PLCB1: variants seen among roughly 807,000 people sequenced by gnomAD.
PLCB1 encodes the protein phospholipase C beta 1, also known as 1-phosphatidylinositol 4,5-bisphosphate phosphodiesterase beta-1.
In PLCB1, 46 loss-of-function variants were observed where a neutral mutation model predicts 161.8. The ratio of observed to expected loss-of-function variants is 0.28; its 90% CI spans 0.22 to 0.36. PLCB1 has a LOEUF of 0.36. Ranked by LOEUF, PLCB1 falls within the 10% of genes least tolerant of loss-of-function variation. PLCB1 has a pLI of 1.00. For synonymous variants in PLCB1, 517 were observed against 503.7 expected, an observed-to-expected ratio of 1.03 and a Z score of -0.35; for missense variants, 1,016 against 1,472.5, an observed-to-expected ratio of 0.69 and a Z score of 5.07.
chr20:8,697,137 T>C (rs1022373205), intron 10 of PLCB1, among the ~76,000 whole-genome samples: 4 of 152,188 alleles, frequency 2.6e-5, no homozygotes, highest in African/African-American at 9.6e-5. Flanking sequence ...ACTTATATAA[T>C]AGAACAGTCT....
At position 8,535,028 on chromosome 20, in the gene PLCB1, A is replaced by G. The variant is rs138520605; in HGVS notation, c.247-93266A>G. 2.9e-4 allele frequency among the ~76,000 whole-genome samples: 44 copies of G among 151,628 alleles called. No homozygotes were observed. The East Asian group carries it at 8.6e-3, about 30-fold the overall frequency. On this transcript the variant is annotated intron_variant, in intron 3 of 31. Coordinates refer to ENST00000338037, the MANE Select transcript of PLCB1 (RefSeq NM_015192.4). ...GTAAGAAAAACAACAGTCTAGAAAG[A>G]TATCTTCAAGTTCCTTCTCCTGGTT...
chr20:8,561,772 A>G (rs1368818719), intron 3 of PLCB1, among the ~76,000 whole-genome samples: 1 of 152,088 alleles, frequency 6.6e-6, no homozygotes, highest in South Asian at 2.1e-4. Flanking sequence ...CCTAATTGAC[A>G]TAAGGATTAC....
chr20:8,721,953 A>G (rs66978742), intron 14 of PLCB1, among the ~76,000 whole-genome samples: 1 of 151,756 alleles, frequency 6.6e-6, no homozygotes, highest in Admixed American at 6.6e-5. Flanking sequence ...GATAGATAGT[A>G]TATCTGTTTT....
At chr20:8,209,489 G>A (rs1978707318) in intron 2 of PLCB1, among the ~76,000 whole-genome samples, 1 of 152,052 alleles carries the variant, frequency 6.6e-6, no homozygotes, top group Non-Finnish European at 1.5e-5. Context: ...TAATTTTATT[G>A]TGATGTGTTA....
intron 3 of PLCB1, among the ~76,000 whole-genome samples, chr20:8,387,796 G>T (rs1204035628): frequency 6.6e-6 from 1 of 152,066 alleles, no homozygotes; most frequent in Non-Finnish European, 1.5e-5. Flanking sequence ...TGCTGGGCCT[G>T]GGGGAGGAGA....
intron 2 of PLCB1, among the ~76,000 whole-genome samples, chr20:8,286,421 T>G (rs1041733111): frequency 6.6e-6 from 1 of 152,234 alleles, no homozygotes; most frequent in African/African-American, 2.4e-5. Flanking sequence ...TCTCATATTA[T>G]GTAATGATAT....
intron 2 of PLCB1, among the ~76,000 whole-genome samples, chr20:8,319,382 A>G (rs1229357056): frequency 1.3e-5 from 2 of 152,044 alleles, no homozygotes; most frequent in African/African-American, 4.8e-5. Context: ...TGACTGGGTC[A>G]TGTGTCTCTC....
At chr20:8,609,519 CT>C (rs1405207589) in intron 3 of PLCB1, among the ~76,000 whole-genome samples, 1 of 152,168 alleles carries the variant, frequency 6.6e-6, no homozygotes, top group African/African-American at 2.4e-5. Context: ...TCAGTCTCTG[CT>C]ATTTTAACCA....
chr20:8,335,658 A>G (rs1372388094), intron 2 of PLCB1, among the ~76,000 whole-genome samples: 1 of 152,172 alleles, frequency 6.6e-6, no homozygotes, highest in East Asian at 1.9e-4. Flanking sequence ...TCCTTCAAGC[A>G]TGATGCACAT....
intron 2 of PLCB1, among the ~76,000 whole-genome samples, chr20:8,325,209 C>A (rs570022787): frequency 6.6e-6 from 1 of 152,228 alleles, no homozygotes; most frequent in South Asian, 2.1e-4. Flanking sequence ...TGAATTAATG[C>A]ACATTCTGAA....
intron 12 of PLCB1, among the ~76,000 whole-genome samples, chr20:8,712,136 A>G (rs1042632215): frequency 1.3e-5 from 2 of 152,130 alleles, no homozygotes; most frequent in African/African-American, 4.8e-5. Context: ...TCCAGTCTCT[A>G]CTACAAATAC....
intron 9 of PLCB1, among the ~76,000 whole-genome samples, chr20:8,675,632 G>A (rs1234475114): frequency 6.6e-6 from 1 of 152,134 alleles, no homozygotes; most frequent in Non-Finnish European, 1.5e-5. Flanking sequence ...GTAGAACCAT[G>A]GAACTTCAGG....
chr20:8,804,021 G>A (rs1007481866), intron 31 of PLCB1, among the ~76,000 whole-genome samples: 2 of 151,892 alleles, frequency 1.3e-5, no homozygotes, highest in Admixed American at 6.6e-5. Flanking sequence ...TCTAACTCCC[G>A]ACCTCAGGTG....
intron 24 of PLCB1, 50 bp downstream of exon 24, chr20:8,757,228 A>T (rs938669740): frequency 1.3e-6 from 2 of 1,549,770 alleles, no homozygotes; most frequent in Non-Finnish European, 1.7e-6. Context: ...CCTCCAGTTC[A>T]TTAGTGCCAC....
intron 2 of PLCB1, among the ~76,000 whole-genome samples, chr20:8,218,874 G>T (rs1402387820): frequency 6.6e-6 from 1 of 152,070 alleles, no homozygotes; most frequent in African/African-American, 2.4e-5. Context: ...ATTTTAAAAT[G>T]ATCTGAACTA....
At chr20:8,837,680 A>T (rs1281435908) in intron 31 of PLCB1, among the ~76,000 whole-genome samples, 2 of 152,190 alleles carry the variant, frequency 1.3e-5, no homozygotes, top group Middle Eastern at 3.2e-3. Context: ...ACTCACTCAC[A>T]TTGGGAGAGT....
chr20:8,633,598 C>G (rs1476521391), intron 4 of PLCB1, among the ~76,000 whole-genome samples: 1 of 152,034 alleles, frequency 6.6e-6, no homozygotes, highest in Non-Finnish European at 1.5e-5. Flanking sequence ...AAAACAGAAG[C>G]TGAGAGGAGG....
chr20:8,483,935 G>T (rs1419974109), intron 3 of PLCB1, among the ~76,000 whole-genome samples: 1 of 152,148 alleles, frequency 6.6e-6, no homozygotes, highest in African/African-American at 2.4e-5. Flanking sequence ...AAACACAAAT[G>T]CACACACATA....
At position 8,628,401 on chromosome 20, in the gene PLCB1, T is replaced by C. The variant is rs766604971; in HGVS notation, c.354T>C (p.Asn118=). 4.3e-6 allele frequency: 7 copies of C among 1,614,050 alleles called. No individual in the cohort carries two copies. In the South Asian group the frequency reaches 7.7e-5, roughly 18 times the overall value. Residue 118 remains asparagine, a synonymous_variant, in exon 4 of 32, where the codon AAT becomes AAC. Transcript: ENST00000338037. ...GPDLVNISHL[N]LVAFQEEVAK... The stretch of plus-strand genomic sequence containing the variant: ...ACCTCGTGAACATCTCCCATTTGAA[T>C]CTCGTGGCTTTCCAAGAAGAAGTGG...
Sources: gnomAD v4.1 joint callset for allele counts (sites outside exome capture counted in the v4.1 genomes callset) on GRCh38, gnomAD v4.1.1 for gene constraint, MANE v1.5 for transcripts, NCBI Gene and HGNC (gene_info 2026-07-23, HGNC 2026-07-21) for gene names.